Variants in MLIP observed in about 807,000 individuals in gnomAD.
MLIP encodes muscular LMNA-interacting protein.
In MLIP, 79 loss-of-function variants were observed where a neutral mutation model predicts 84.8. That is an observed-to-expected ratio of 0.93 (90% confidence interval 0.78 to 1.12). The LOEUF (loss-of-function observed/expected upper bound fraction) is 1.12. MLIP is among the 50% of genes most tolerant of loss of function. The pLI is 0.00. For synonymous variants in MLIP, 504 were observed against 463.0 expected (o/e 1.09, Z -1.14); for missense variants, 1,257 against 1,160.6 (o/e 1.08, Z -1.21).
intron 12 of MLIP, among the ~76,000 whole-genome samples, chr6:54,252,244 G>C (rs865956907): frequency 5.2e-5 from 5 of 96,848 alleles, no homozygotes; most frequent in East Asian, 3.3e-4. Context: ...TAATATATAA[G>C]TATAATATAT....
intron 12 of MLIP, among the ~76,000 whole-genome samples, chr6:54,237,652 C>G (rs1259714335): frequency 6.8e-6 from 1 of 147,110 alleles, no homozygotes; most frequent in South Asian, 2.1e-4. Flanking sequence ...CAGAGACCAG[C>G]CTGGACGACA....
chr6:54,200,727 G>A (rs1778621845), intron 10 of MLIP, among the ~76,000 whole-genome samples: 1 of 147,204 alleles, frequency 6.8e-6, no homozygotes, highest in African/African-American at 2.5e-5. Flanking sequence ...TTTTCCCCTT[G>A]AGAAAAATCA....
intron 10 of MLIP, among the ~76,000 whole-genome samples, chr6:54,201,017 A>G (rs1407240212): frequency 6.6e-6 from 1 of 152,232 alleles, no homozygotes; most frequent in African/African-American, 2.4e-5. Flanking sequence ...GATTGCAGCA[A>G]AAGTGCTTAA....
chr6:54,180,338 C>T (rs1254181341), intron 9 of MLIP, among the ~76,000 whole-genome samples: 1 of 152,090 alleles, frequency 6.6e-6, no homozygotes, highest in Admixed American at 6.6e-5. Context: ...TATAGCCTTC[C>T]TGTACTTGAA....
intron 1 of MLIP, among the ~76,000 whole-genome samples, chr6:54,047,916 T>C (rs576076033): frequency 4.3e-4 from 65 of 152,336 alleles, no homozygotes; most frequent in South Asian, 3.7e-3. Context: ...GTACTATATG[T>C]AGGGCACAAA....
At chr6:54,165,067 C>G (rs1775038103) in intron 8 of MLIP, among the ~76,000 whole-genome samples, 1 of 151,844 alleles carries the variant, frequency 6.6e-6, no homozygotes, top group South Asian at 2.1e-4. Flanking sequence ...TCAAATTTCC[C>G]TGAGCATGTC....
In MLIP at chr6:54,135,864, TC is replaced by T. The variant is rs1306152378; in HGVS notation, c.646-848del. On this transcript the variant is annotated intron_variant, in intron 3 of 13. Coordinates refer to ENST00000502396, the MANE Select transcript of MLIP (RefSeq NM_001281747.2). ...CTACATCCAGTTGTTTCACAGGCTC[TC>T]CCTAGCTTCTCTTGTAAAATGATGA... is the stretch of plus-strand genomic sequence containing the variant. Among the ~76,000 whole-genome samples the T allele has an allele frequency of 2.6e-5, 4 of 152,188 alleles. No individual in the cohort carries two copies. In the East Asian group the frequency reaches 7.7e-4, roughly 29 times the overall value.
intron 5 of MLIP, among the ~76,000 whole-genome samples, chr6:54,157,131 G>A (rs1032312774): frequency 6.6e-6 from 1 of 152,100 alleles, no homozygotes; most frequent in African/African-American, 2.4e-5. Context: ...AGGAGCATAT[G>A]AAAGGCACTG....
At chr6:54,228,354 G>A (rs1351468355) in intron 11 of MLIP, among the ~76,000 whole-genome samples, 1 of 152,104 alleles carries the variant, frequency 6.6e-6, no homozygotes, top group Non-Finnish European at 1.5e-5. Flanking sequence ...CATAAATATT[G>A]AAGCTGTAAC....
intron 11 of MLIP, among the ~76,000 whole-genome samples, chr6:54,226,132 A>G (rs965145491): frequency 7.9e-5 from 12 of 152,232 alleles, no homozygotes; most frequent in Admixed American, 7.8e-4. Flanking sequence ...GGTAAAAGCT[A>G]TTTAAGAAGT....
chr6:54,027,810 G>A (rs1763905781), intron 1 of MLIP, among the ~76,000 whole-genome samples: 1 of 152,168 alleles, frequency 6.6e-6, no homozygotes, highest in Admixed American at 6.5e-5. Flanking sequence ...TGCTGATAAT[G>A]TAAGTCTGAG....
At chr6:54,084,730 AG>A (rs370406604) in intron 1 of MLIP, among the ~76,000 whole-genome samples, 11 of 152,338 alleles carry the variant, frequency 7.2e-5, no homozygotes, top group African/African-American at 2.6e-4. Context: ...TTGTTGCCCC[AG>A]GGTAGCACAG....
chr6:54,036,560 T>C (rs1764454555), intron 1 of MLIP, among the ~76,000 whole-genome samples: 1 of 152,030 alleles, frequency 6.6e-6, no homozygotes, highest in African/African-American at 2.4e-5. Flanking sequence ...ATAATGAGTG[T>C]TAATGAGAAT....
At chr6:54,101,784 A>C (rs772743264) in intron 1 of MLIP, among the ~76,000 whole-genome samples, 1 of 152,184 alleles carries the variant, frequency 6.6e-6, no homozygotes, top group Non-Finnish European at 1.5e-5. Flanking sequence ...TGCTAGTGAC[A>C]ATATAATTGT....
chr6:54,244,343 T>G (rs1781934322), intron 12 of MLIP, among the ~76,000 whole-genome samples: 1 of 152,124 alleles, frequency 6.6e-6, no homozygotes, highest in African/African-American at 2.4e-5. Flanking sequence ...AAAAAAGACT[T>G]TATCAAATAT....
At chr6:54,131,370 C>CT (rs1349351898) in intron 3 of MLIP, among the ~76,000 whole-genome samples, 5 of 152,054 alleles carry the variant, frequency 3.3e-5, no homozygotes, top group African/African-American at 7.2e-5. Flanking sequence ...TTCCAAAGAC[C>CT]TTTTTTTAAT....
intron 13 of MLIP, among the ~76,000 whole-genome samples, chr6:54,262,385 A>T (rs1017308711): frequency 6.6e-6 from 1 of 152,182 alleles, no homozygotes; most frequent in East Asian, 1.9e-4. Flanking sequence ...TTTTATACAT[A>T]TTCTCAAGAT....
At chr6:54,225,441 C>G (rs891417211) in intron 11 of MLIP, among the ~76,000 whole-genome samples, 3 of 152,090 alleles carry the variant, frequency 2.0e-5, no homozygotes, top group African/African-American at 7.2e-5. Context: ...ATATGCAGTT[C>G]GTTGTTGGCT....
chr6:54,111,100 C>T (rs1277890743), upstream of MLIP, among the ~76,000 whole-genome samples: 3 of 152,202 alleles, frequency 2.0e-5, no homozygotes, highest in African/African-American at 7.2e-5. Flanking sequence ...CAGGTGCTAG[C>T]GCCCTTCAAT....
Sources: gnomAD v4.1 joint callset for allele counts (sites outside exome capture counted in the v4.1 genomes callset) on GRCh38, gnomAD v4.1.1 for gene constraint, MANE v1.5 for transcripts, NCBI Gene and HGNC (gene_info 2026-07-23, HGNC 2026-07-21) for gene names.